Variants in RBFOX1 observed in about 807,000 individuals in gnomAD.
RBFOX1 encodes RNA binding protein fox-1 homolog 1.
A neutral mutation model predicts 57.7 loss-of-function variants in RBFOX1; 8 were observed. The observed-to-expected ratio is 0.14, with a 90% CI of 0.08 to 0.25. RBFOX1 has a LOEUF of 0.25. RBFOX1 is among the 10% of genes least tolerant of loss of function. The pLI is 1.00. For synonymous variants in RBFOX1, 326 were observed against 222.4 expected (o/e 1.47, Z -4.15); for missense variants, 611 against 548.5 (o/e 1.11, Z -1.14).
chr16:7,415,073 G>C (rs1449299729), intron 4 of RBFOX1, among the ~76,000 whole-genome samples: 1 of 152,202 alleles, frequency 6.6e-6, no homozygotes, highest in Non-Finnish European at 1.5e-5. Context: ...CAAAGATTCA[G>C]ACTTCATTTC....
chr16:6,124,464 G>T (rs1213455754), intron 1 of RBFOX1, among the ~76,000 whole-genome samples: 4 of 152,136 alleles, frequency 2.6e-5, no homozygotes, highest in Non-Finnish European at 5.9e-5. Flanking sequence ...CTTCACTCCA[G>T]ACTGGGACCT....
intron 1 of RBFOX1, among the ~76,000 whole-genome samples, chr16:6,102,596 C>G (rs34955050): frequency 6.6e-6 from 1 of 151,886 alleles, no homozygotes; most frequent in Non-Finnish European, 1.5e-5. Context: ...GCTCACGCCA[C>G]GTCTTCCCTC....
At chr16:6,147,544 T>C (rs970352189) in intron 1 of RBFOX1, among the ~76,000 whole-genome samples, 13 of 151,864 alleles carry the variant, frequency 8.6e-5, no homozygotes, top group Non-Finnish European at 1.2e-4. Flanking sequence ...AGGTCCCCAA[T>C]AGGAGCTACC....
In RBFOX1 at chr16:6,865,990, G is replaced by A. The variant is rs957678722; in HGVS notation, c.-15-186067G>A. ...AAGAAATGCATTGAAAAAAACAATC[G>A]GGGAAAAAAGAGGGAGTAATATTGG... On this transcript the variant is annotated intron_variant, in intron 3 of 15. Coordinates refer to ENST00000550418, the MANE Select transcript of RBFOX1 (RefSeq NM_018723.4). Among the ~76,000 whole-genome samples, 29 of 151,732 alleles carry A rather than the reference G, an allele frequency of 1.9e-4. 1 individual carries two copies. The highest frequency in any genetic ancestry group is 5.8e-4 in the African/African-American group (24 of 41,328).
chr16:5,247,480 C>G (rs1480983636), intron 1 of RBFOX1, among the ~76,000 whole-genome samples: 2 of 152,180 alleles, frequency 1.3e-5, no homozygotes, highest in African/African-American at 4.8e-5. Flanking sequence ...CTTCAAGTAT[C>G]TGAGCAGCTC....
chr16:7,198,380 T>C (rs1167134560), intron 4 of RBFOX1, among the ~76,000 whole-genome samples: 2 of 152,208 alleles, frequency 1.3e-5, no homozygotes, highest in East Asian at 3.8e-4. Flanking sequence ...TGTGCAACAT[T>C]GTGAATGTAC....
At chr16:6,809,364 A>C (rs1465532488) in intron 3 of RBFOX1, among the ~76,000 whole-genome samples, 5 of 152,190 alleles carry the variant, frequency 3.3e-5, no homozygotes, top group Non-Finnish European at 2.9e-5. Context: ...AGTGCCAGCC[A>C]CTGTGCCAGA....
chr16:7,178,869 T>C (rs1420301028), intron 4 of RBFOX1, among the ~76,000 whole-genome samples: 1 of 152,208 alleles, frequency 6.6e-6, no homozygotes. Context: ...CTTTACTTCC[T>C]GTACTGATCC....
intron 3 of RBFOX1, among the ~76,000 whole-genome samples, chr16:6,809,641 C>T (rs1161584019): frequency 2.0e-5 from 3 of 152,232 alleles, no homozygotes; most frequent in African/African-American, 7.2e-5. Context: ...AGGAACACAG[C>T]ATAGAACAAA....
At chr16:6,461,880 G>A (rs1310805130) in intron 2 of RBFOX1, among the ~76,000 whole-genome samples, 5 of 152,106 alleles carry the variant, frequency 3.3e-5, no homozygotes, top group African/African-American at 9.7e-5. Flanking sequence ...TCATTGTTCA[G>A]TACATTTAAT....
At chr16:6,594,793 G>T (rs1328486717) in intron 2 of RBFOX1, among the ~76,000 whole-genome samples, 1 of 151,934 alleles carries the variant, frequency 6.6e-6, no homozygotes, top group Non-Finnish European at 1.5e-5. Context: ...AGTGTTTTTT[G>T]TTGGTTTGTT....
At chr16:7,104,753 A>T (rs1389909625) in intron 4 of RBFOX1, among the ~76,000 whole-genome samples, 1 of 152,110 alleles carries the variant, frequency 6.6e-6, no homozygotes, top group Non-Finnish European at 1.5e-5. Context: ...CAACCACTTC[A>T]TCCTTTCTTG....
At chr16:7,130,297 A>G (rs1271945388) in intron 4 of RBFOX1, among the ~76,000 whole-genome samples, 1 of 152,140 alleles carries the variant, frequency 6.6e-6, no homozygotes, top group Admixed American at 6.5e-5. Context: ...AGCTTCCCAA[A>G]GTGCTGAGAT....
intron 4 of RBFOX1, among the ~76,000 whole-genome samples, chr16:7,424,974 T>C (rs985006806): frequency 1.3e-5 from 2 of 152,202 alleles, no homozygotes; most frequent in Non-Finnish European, 1.5e-5. Context: ...AAGAATGTTA[T>C]CTTAGAGATG....
intron 3 of RBFOX1, among the ~76,000 whole-genome samples, chr16:5,737,140 C>T (rs1397029498): frequency 6.6e-6 from 1 of 152,052 alleles, no homozygotes; most frequent in Admixed American, 6.6e-5. Flanking sequence ...CTGGATGCTT[C>T]ATGTCAGCAA....
chr16:6,909,649 A>G (rs944494354), intron 3 of RBFOX1, among the ~76,000 whole-genome samples: 1 of 152,218 alleles, frequency 6.6e-6, no homozygotes, highest in African/African-American at 2.4e-5. Flanking sequence ...CAAAGAAATT[A>G]TCAAGTGAGG....
intron 4 of RBFOX1, among the ~76,000 whole-genome samples, chr16:5,964,697 G>A (rs1054211701): frequency 8.6e-5 from 13 of 151,320 alleles, no homozygotes; most frequent in African/African-American, 3.2e-4. Context: ...GTATATATAT[G>A]TACATATAAC....
At chr16:6,307,257 G>A (rs7184945) in intron 1 of RBFOX1, among the ~76,000 whole-genome samples, 53,932 of 151,888 alleles carry the variant, frequency 0.36, 9,666 homozygotes, top group African/African-American at 0.41. Context: ...GTGTTGGATA[G>A]TAATCATTAT....
intron 4 of RBFOX1, among the ~76,000 whole-genome samples, chr16:7,332,141 G>C (rs1389433787): frequency 6.6e-6 from 1 of 152,204 alleles, no homozygotes; most frequent in East Asian, 1.9e-4. Context: ...GTTGTGGTTA[G>C]GAATCGGGCT....
Sources: allele counts gnomAD v4.1 joint callset (sites outside exome capture counted in the v4.1 genomes callset), GRCh38; gene constraint gnomAD v4.1.1; transcripts MANE v1.5; gene names NCBI Gene and HGNC (gene_info 2026-07-23, HGNC 2026-07-21).